Variants in ETV6 observed in about 807,000 individuals in gnomAD.
ETV6 encodes the protein transcription factor ETV6.
A neutral mutation model predicts 51.1 loss-of-function variants in ETV6; 16 were observed. The observed-to-expected ratio is 0.31, with a 90% CI of 0.21 to 0.48. The LOEUF is 0.48. Among genes scored for constraint, ETV6 ranks in the 20% least tolerant of loss-of-function variants. The probability of loss-of-function intolerance (pLI) is 0.99; values close to 1 mark genes in which losing one functional copy is unlikely to be tolerated. For synonymous variants in ETV6, 240 were observed against 224.1 expected, an observed-to-expected ratio of 1.07 and a Z score of -0.64; for missense variants, 458 against 594.8, an observed-to-expected ratio of 0.77 and a Z score of 2.39.
chr12:11,695,318 A>T (rs889386324), intron 1 of ETV6, among the ~76,000 whole-genome samples: 1 of 152,236 alleles, frequency 6.6e-6, no homozygotes, highest in African/African-American at 2.4e-5. Flanking sequence ...GGAGCCAAGA[A>T]CACTGAGGAA....
intron 2 of ETV6, among the ~76,000 whole-genome samples, chr12:11,814,422 A>G (rs1945961819): frequency 6.6e-6 from 1 of 152,344 alleles, no homozygotes; most frequent in Non-Finnish European, 1.5e-5. Context: ...TGACAGGTAA[A>G]CAAATTTTTT....
At chr12:11,773,897 A>T (rs1037911438) in intron 2 of ETV6, among the ~76,000 whole-genome samples, 1 of 152,216 alleles carries the variant, frequency 6.6e-6, no homozygotes, top group Non-Finnish European at 1.5e-5. Flanking sequence ...GGACCTGAAC[A>T]TTGGGGAAAT....
intron 2 of ETV6, among the ~76,000 whole-genome samples, chr12:11,833,876 TC>T: frequency 6.6e-6 from 1 of 152,172 alleles, no homozygotes; most frequent in Non-Finnish European, 1.5e-5. Flanking sequence ...CACCACCACT[TC>T]CATCTCTGTG....
chr12:11,828,762 C>CA (rs1946198995), intron 2 of ETV6, among the ~76,000 whole-genome samples: 1 of 152,182 alleles, frequency 6.6e-6, no homozygotes, highest in Non-Finnish European at 1.5e-5. Flanking sequence ...ATCTCTTCCC[C>CA]ACTCCCTTTT....
chr12:11,880,032 T>TAAAAAAAAAAAAAAAAAAAA (rs59152213), intron 5 of ETV6, among the ~76,000 whole-genome samples: 1 of 117,858 alleles, frequency 8.5e-6, no homozygotes, highest in Non-Finnish European at 1.7e-5. Flanking sequence ...GTCAATTGTT[T>TAAAAAAAAAAAAAAAAAAAA]AAAAAAAAAA....
chr12:11,789,530 C>G (rs770427053), intron 2 of ETV6, among the ~76,000 whole-genome samples: 1 of 152,056 alleles, frequency 6.6e-6, no homozygotes, highest in Non-Finnish European at 1.5e-5. Context: ...GGTGTGAGTC[C>G]CTTTCCTGAA....
intron 2 of ETV6, among the ~76,000 whole-genome samples, chr12:11,765,552 G>C (rs1441928982): frequency 1.3e-5 from 2 of 151,678 alleles, no homozygotes; most frequent in African/African-American, 4.9e-5. Flanking sequence ...TTGCTAAGAA[G>C]CTTCATAAAA....
At chr12:11,668,382 A>C (rs1313191355) in intron 1 of ETV6, among the ~76,000 whole-genome samples, 2 of 151,162 alleles carry the variant, frequency 1.3e-5, no homozygotes, top group African/African-American at 4.9e-5. Context: ...GACTTGGTAA[A>C]GGACTTCGCA....
At position 11,891,600 on chromosome 12, in the gene ETV6, G is replaced by GAA. The variant is rs372555234; in HGVS notation, c.*564_*565dup. On this transcript the variant is annotated 3_prime_UTR_variant, in exon 8 of 8. Coordinates refer to ENST00000396373, the MANE Select transcript of ETV6 (RefSeq NM_001987.5). ...TTCCTGTTACTGTTGGGTCTTGGCT[G>GAA]AAAAAAAAAAATGCTTTTAAAAAAG... 1.3e-4 allele frequency: 60 copies of GAA among 445,602 alleles called. No individual in the cohort carries two copies. Among genetic ancestry groups the GAA allele is most frequent in the Admixed American group, 4.0e-4 (15 of 37,144 alleles). 27.6% of individuals were successfully genotyped at this position (445,602 alleles called of 1,614,324 possible). A position where few individuals can be genotyped will look rare whatever the true frequency, so the allele number is the denominator to read the frequency against.
chr12:11,847,470 T>TGA (rs1463683544), intron 3 of ETV6, among the ~76,000 whole-genome samples: 2 of 151,928 alleles, frequency 1.3e-5, no homozygotes, highest in Non-Finnish European at 2.9e-5. Context: ...GAAGGGCAGG[T>TGA]GAGAGACCTG....
intron 2 of ETV6, among the ~76,000 whole-genome samples, chr12:11,787,206 G>A (rs1262680656): frequency 6.6e-6 from 1 of 152,170 alleles, no homozygotes; most frequent in African/African-American, 2.4e-5. Context: ...GTTATTCCTA[G>A]TAACTGCTCT....
At chr12:11,861,360 C>G (rs1946714623) in intron 4 of ETV6, among the ~76,000 whole-genome samples, 1 of 152,150 alleles carries the variant, frequency 6.6e-6, no homozygotes, top group Non-Finnish European at 1.5e-5. Context: ...GCTTTGCTTC[C>G]TATATTTCAG....
chr12:11,739,612 A>G (rs757607951), intron 1 of ETV6, among the ~76,000 whole-genome samples: 38 of 152,222 alleles, frequency 2.5e-4, no homozygotes, highest in Non-Finnish European at 4.1e-4. Context: ...CGGATTTGAA[A>G]TGTGCTCTAA....
intron 1 of ETV6, among the ~76,000 whole-genome samples, chr12:11,695,577 A>G (rs940563871): frequency 6.6e-6 from 1 of 152,208 alleles, no homozygotes; most frequent in Non-Finnish European, 1.5e-5. Context: ...AATGTGACTC[A>G]ACACCTGGCA....
At chr12:11,837,842 G>A (rs1946338222) in intron 2 of ETV6, among the ~76,000 whole-genome samples, 1 of 152,128 alleles carries the variant, frequency 6.6e-6, no homozygotes, top group Admixed American at 6.5e-5. Flanking sequence ...TTGGTCTCAT[G>A]TCTCCTTTTG....
intron 1 of ETV6, among the ~76,000 whole-genome samples, chr12:11,751,234 C>G (rs377594000): frequency 1.3e-5 from 2 of 152,174 alleles, no homozygotes; most frequent in Admixed American, 1.3e-4. Flanking sequence ...AGGACTCCGC[C>G]GCTTCCCTTT....
At chr12:11,758,963 G>A (rs1284209434) in intron 2 of ETV6, among the ~76,000 whole-genome samples, 3 of 152,058 alleles carry the variant, frequency 2.0e-5, no homozygotes, top group Non-Finnish European at 4.4e-5. Context: ...GTGGCTGTAC[G>A]AGGGCCCTGG....
intron 1 of ETV6, among the ~76,000 whole-genome samples, chr12:11,733,050 T>C (rs1344000677): frequency 1.3e-5 from 2 of 152,086 alleles, no homozygotes; most frequent in African/African-American, 4.8e-5. Context: ...GTTTCTCCAT[T>C]GATGAAATAG....
At chr12:11,759,433 T>C (rs7961094) in intron 2 of ETV6, among the ~76,000 whole-genome samples, 115,067 of 151,976 alleles carry the variant, frequency 0.76, 44,710 homozygotes, top group South Asian at 0.95. Flanking sequence ...TGGTGCTCTG[T>C]GTTATTTATG....
Sources: allele counts gnomAD v4.1 joint callset (sites outside exome capture counted in the v4.1 genomes callset), GRCh38; gene constraint gnomAD v4.1.1; transcripts MANE v1.5; gene names NCBI Gene and HGNC (gene_info 2026-07-23, HGNC 2026-07-21).